The following MEI1 variants were observed in gnomAD, a reference collection of about 807,000 sequenced individuals.
MEI1 encodes the protein meiosis inhibitor protein 1.
Under a neutral mutation model 146.2 loss-of-function variants are expected in MEI1, and 103 were observed. That is an observed-to-expected ratio of 0.70 (90% CI 0.60 to 0.83). MEI1 has a LOEUF of 0.83. MEI1 is among the 40% of genes least tolerant of loss of function. MEI1 has a pLI of 0.00. For synonymous variants in MEI1, 652 were observed against 628.2 expected (o/e 1.04, Z -0.57); for missense variants, 1,529 against 1,533.0 (o/e 1.00, Z 0.04).
At chr22:41,711,466 T>C (rs2069562046) in intron 3 of MEI1, among the ~76,000 whole-genome samples, 13 of 152,234 alleles carry the variant, frequency 8.5e-5, no homozygotes, top group Admixed American at 8.5e-4. Context: ...AGGCCACCCT[T>C]GAGTGGGGCT....
intron 15 of MEI1, 65 bp from the exon 16 acceptor site, chr22:41,752,526 G>C (rs1236149398): frequency 7.0e-7 from 1 of 1,418,844 alleles, no homozygotes; most frequent in African/African-American, 1.4e-5. Context: ...TACCACCCAG[G>C]CTTGGGACTC....
At chr22:41,773,935 T>C (rs549773113) in intron 20 of MEI1, among the ~76,000 whole-genome samples, 2 of 152,280 alleles carry the variant, frequency 1.3e-5, no homozygotes, top group South Asian at 2.1e-4. Flanking sequence ...TTCATATATA[T>C]AATTCTTACC....
chr22:41,768,906 G>A (rs1278132939), intron 19 of MEI1, among the ~76,000 whole-genome samples: 1 of 152,074 alleles, frequency 6.6e-6, no homozygotes, highest in Non-Finnish European at 1.5e-5. Flanking sequence ...AAACATTACT[G>A]TTTTTCTCTA....
chr22:41,758,552 G>C lies in MEI1; in HGVS notation c.2120+19G>C. ...AAGACAGGTCAGTGCACAGAGGTGGGTGGCTGGTGGTGGGTCTTGGGACCT... is the reference window on the plus strand; with the variant it reads ...AAGACAGGTCAGTGCACAGAGGTGGCTGGCTGGTGGTGGGTCTTGGGACCT... On this transcript the variant is annotated intron_variant, in intron 18 of 30. Coordinates refer to ENST00000401548, the MANE Select transcript of MEI1 (RefSeq NM_152513.4). The C allele has an allele frequency of 1.9e-6, 3 of 1,599,086 alleles. No individual in the cohort carries two copies. The highest frequency in any genetic ancestry group is 2.6e-6 in the Non-Finnish European group (3 of 1,169,414).
At chr22:41,719,714 T>C (rs1777111067) in intron 6 of MEI1, among the ~76,000 whole-genome samples, 1 of 152,210 alleles carries the variant, frequency 6.6e-6, no homozygotes, top group South Asian at 2.1e-4. Context: ...GCTTGTTACT[T>C]GAGGCTCTTT....
Position 41,703,366 on chromosome 22 carries a change from A to G in MEI1, c.210A>G (p.Gln70=). ...AGAAGCACATGTTGTCCTGCTTCCAAGATGCCCTTGTGAGGCATACCTCCC... is the reference window on the plus strand; with the variant it reads ...AGAAGCACATGTTGTCCTGCTTCCAGGATGCCCTTGTGAGGCATACCTCCC... ...VRKKHMLSCF[Q]DALVRHTSLV... Residue 70 remains glutamine, a synonymous_variant, in exon 2 of 31, where the codon CAA becomes CAG. Transcript: ENST00000401548. The G allele has an allele frequency of 2.5e-6, 4 of 1,612,672 alleles. No homozygotes were observed. The highest frequency in any genetic ancestry group is 2.2e-5 in the South Asian group (2 of 90,680).
rs1302933458 is a variant in MEI1, at chr22:41,703,469, GAAAT to G, written c.298+16_298+19del. 6.5e-7 allele frequency: 1 copy of G among 1,548,118 alleles called. No homozygotes were observed. The highest frequency in any genetic ancestry group is 8.7e-7 in the Non-Finnish European group (1 of 1,147,364). On this transcript the variant is annotated intron_variant, in intron 2 of 30. Coordinates refer to ENST00000401548, the MANE Select transcript of MEI1 (RefSeq NM_152513.4). ...TGTGCTTTTTGGTAAGATTAAGAGG[GAAAT>G]TTGACATGAGTTTTGAATGTATAGT...
intron 11 of MEI1, among the ~76,000 whole-genome samples, chr22:41,734,857 G>A (rs1278599175): frequency 2.0e-5 from 3 of 151,984 alleles, no homozygotes; most frequent in East Asian, 1.9e-4. Context: ...GGGTGGTCTC[G>A]AACTCCTGAC....
chr22:41,712,245 G>GTTTT (rs1413445773), intron 3 of MEI1, among the ~76,000 whole-genome samples: 106 of 114,656 alleles, frequency 9.2e-4, no homozygotes, highest in African/African-American at 3.8e-3. Context: ...TTGTTTGTTT[G>GTTTT]TTTCTTTGAT....
intron 16 of MEI1, among the ~76,000 whole-genome samples, chr22:41,753,411 T>C (rs1442096785): frequency 6.6e-6 from 1 of 151,898 alleles, no homozygotes; most frequent in African/African-American, 2.4e-5. Flanking sequence ...GCTTATGAGG[T>C]CAAAGCAGCA....
chr22:41,708,485 G>A (rs1444420379), intron 3 of MEI1, among the ~76,000 whole-genome samples: 2 of 151,898 alleles, frequency 1.3e-5, no homozygotes, highest in Non-Finnish European at 2.9e-5. Context: ...TTTCAGGCAG[G>A]ACATGGGCAG....
chr22:41,731,616 C>T (rs577112696), intron 9 of MEI1, among the ~76,000 whole-genome samples: 324 of 152,316 alleles, frequency 2.1e-3, no homozygotes, highest in Non-Finnish European at 3.8e-3. Context: ...CCTCGGCCTC[C>T]CAAAGTGCTG....
At position 41,723,582 on chromosome 22, in the gene MEI1, ATT is replaced by A. The variant is rs376071647; in HGVS notation, c.734-356_734-355del. On this transcript the variant is annotated intron_variant, in intron 6 of 30. Coordinates refer to ENST00000401548, the MANE Select transcript of MEI1 (RefSeq NM_152513.4). ...ATGCTCCCTTTGTTAGTCAAAAAAT[ATT>A]TTTTGAGTTCCTGCTATGTGTCAGG... Among the ~76,000 whole-genome samples the A allele has an allele frequency of 1.1e-4, 17 of 152,182 alleles. No homozygotes were observed. In the East Asian group the frequency reaches 2.1e-3, roughly 19 times the overall value.
Position 41,784,286 on chromosome 22 carries a change from C to T in MEI1, c.3088-53C>T, listed in dbSNP as rs1178584866. On this transcript the variant is annotated intron_variant, in intron 24 of 30. Coordinates refer to ENST00000401548, the MANE Select transcript of MEI1 (RefSeq NM_152513.4). ...AAGAGATTTTCAGGCAGGTTATTTT[C>T]TGCCCAGGCTTCCAGAACATGGGGG... is the stretch of plus-strand genomic sequence containing the variant. The T allele has an allele frequency of 2.0e-6, 3 of 1,526,176 alleles. No individual in the cohort carries two copies. In the African/African-American group the frequency reaches 4.1e-5, roughly 21 times the overall value. 94.5% of individuals were successfully genotyped at this position (1,526,176 alleles called of 1,614,324 possible). A position where few individuals can be genotyped will look rare whatever the true frequency, so the allele number is the denominator to read the frequency against.
Position 41,742,031 on chromosome 22 carries a change from G to A in MEI1, c.1332-1049G>A, listed in dbSNP as rs1442878036. ...ATCCCACACTTTGGGAAGCTGTGGT[G>A]GGTGGATAACTTGAGGTCAGGAGTT... On this transcript the variant is annotated intron_variant, in intron 11 of 30. Transcript: ENST00000401548. 2.6e-5 allele frequency among the ~76,000 whole-genome samples: 4 copies of A among 151,850 alleles called. No homozygotes were observed. In the East Asian group the frequency reaches 5.8e-4, roughly 22 times the overall value.
At position 41,729,773 on chromosome 22, in the gene MEI1, A is replaced by T. The variant is rs1212007434; in HGVS notation, c.973A>T (p.Ile325Phe). Residue 325 changes from isoleucine (I) to phenylalanine (F), a missense_variant, in exon 8 of 31, where the codon ATC (isoleucine) becomes TTC (phenylalanine). Physicochemically the swap from Ile to Phe is conservative, Grantham distance 21 (BLOSUM62 0). Coordinates refer to ENST00000401548, the MANE Select transcript of MEI1 (RefSeq NM_152513.4). ...TGCGTCAGCCTTCATCCACGCTGAC[A>T]TCCCAGGTAGGGGAACACTTCTAAC... ...KHASAFIHAD[I>F]PEFLFEHLSS... 6.2e-7 allele frequency: 1 copy of T among 1,602,456 alleles called. No homozygotes were observed. Among genetic ancestry groups the T allele is most frequent in the Admixed American group, 1.7e-5 (1 of 58,046 alleles).
chr22:41,701,549 A>T (rs950671549), intron 1 of MEI1, among the ~76,000 whole-genome samples: 4 of 152,212 alleles, frequency 2.6e-5, no homozygotes, highest in African/African-American at 9.6e-5. Context: ...AGGCACCCTT[A>T]GGAATTCCCA....
At chr22:41,749,898 G>T (rs906771218) in intron 15 of MEI1, among the ~76,000 whole-genome samples, 4 of 152,068 alleles carry the variant, frequency 2.6e-5, no homozygotes, top group African/African-American at 7.2e-5. Flanking sequence ...ATCTGGTTTG[G>T]GGGGGTCAGT....
At chr22:41,762,495 C>T (rs1417732999) in intron 18 of MEI1, among the ~76,000 whole-genome samples, 5 of 151,960 alleles carry the variant, frequency 3.3e-5, no homozygotes, top group African/African-American at 1.2e-4. Flanking sequence ...CCATCTCAGC[C>T]TCCCATGTAG....
Sources: allele counts gnomAD v4.1 joint callset (sites outside exome capture counted in the v4.1 genomes callset), GRCh38; gene constraint gnomAD v4.1.1; transcripts MANE v1.5; gene names NCBI Gene and HGNC (gene_info 2026-07-23, HGNC 2026-07-21).